The following CRADD variants were observed in gnomAD, a reference collection of about 807,000 sequenced individuals.
The protein encoded by CRADD is death domain-containing protein CRADD.
A neutral mutation model predicts 15.5 loss-of-function variants in CRADD; 9 were observed. The ratio of observed to expected loss-of-function variants is 0.58; its 90% CI spans 0.35 to 1.01. CRADD has a LOEUF of 1.01. Ranked by LOEUF, CRADD falls within the 50% of genes least tolerant of loss-of-function variation. The probability of loss-of-function intolerance (pLI) is 0.02; values close to 1 mark genes in which losing one functional copy is unlikely to be tolerated. For synonymous variants in CRADD, 118 were observed against 107.6 expected (o/e 1.10, Z -0.60); for missense variants, 227 against 250.3 (o/e 0.91, Z 0.63).
intron 2 of CRADD, among the ~76,000 whole-genome samples, chr12:93,829,186 T>C (rs1461355740): frequency 2.0e-5 from 3 of 152,034 alleles, no homozygotes; most frequent in African/African-American, 7.3e-5. Flanking sequence ...AGGCAGTCTT[T>C]TACCCCTGGG....
chr12:93,704,697 C>G (rs1410722596), intron 2 of CRADD, among the ~76,000 whole-genome samples: 1 of 152,248 alleles, frequency 6.6e-6, no homozygotes, highest in Non-Finnish European at 1.5e-5. Flanking sequence ...TTACATTGCA[C>G]TGAGAATCAG....
chr12:93,718,621 C>T (rs987082379), intron 2 of CRADD, among the ~76,000 whole-genome samples: 2 of 152,066 alleles, frequency 1.3e-5, no homozygotes, highest in Non-Finnish European at 2.9e-5. Context: ...TTTGTGTCTT[C>T]CTTCTTAATC....
chr12:93,861,522 C>T (rs1395782787), intron 2 of CRADD, among the ~76,000 whole-genome samples: 1 of 152,210 alleles, frequency 6.6e-6, no homozygotes, highest in Non-Finnish European at 1.5e-5. Flanking sequence ...AGTTGTCTTG[C>T]CCAGTGACAC....
intron 2 of CRADD, among the ~76,000 whole-genome samples, chr12:93,866,992 G>T (rs1341871245): frequency 2.6e-5 from 4 of 152,000 alleles, no homozygotes; most frequent in Non-Finnish European, 4.4e-5. Context: ...GGAAAGAGGG[G>T]TTAATTTTCT....
intron 2 of CRADD, among the ~76,000 whole-genome samples, chr12:93,768,701 G>A (rs12831157): frequency 0.09 from 13,758 of 152,032 alleles, 932 homozygotes; most frequent in Non-Finnish European, 0.13. Flanking sequence ...GCAATATAAC[G>A]TACATGCAGA....
chr12:93,833,144 A>G (rs2137031773), intron 2 of CRADD, among the ~76,000 whole-genome samples: 1 of 152,322 alleles, frequency 6.6e-6, no homozygotes, highest in African/African-American at 2.4e-5. Context: ...TGTTCATTAT[A>G]AGGAATCCAA....
intron 2 of CRADD, among the ~76,000 whole-genome samples, chr12:93,777,600 T>C (rs1354490815): frequency 6.6e-6 from 1 of 152,206 alleles, no homozygotes; most frequent in East Asian, 1.9e-4. Context: ...TTAAGCTCTT[T>C]CTATATAGTG....
chr12:93,696,800 GA>G (rs1315033550), intron 2 of CRADD, among the ~76,000 whole-genome samples: 1 of 151,736 alleles, frequency 6.6e-6, no homozygotes, highest in Non-Finnish European at 1.5e-5. Flanking sequence ...GAATACAAGT[GA>G]AAATATAGTA....
At chr12:93,806,969 G>A (rs546710126) in intron 2 of CRADD, among the ~76,000 whole-genome samples, 12 of 152,246 alleles carry the variant, frequency 7.9e-5, no homozygotes, top group Middle Eastern at 3.4e-3. Context: ...ACCCAGGACT[G>A]GCCAACCCTA....
rs1221986497 is a variant in CRADD, at chr12:93,740,325, T to C, written c.298+61253T>C. 2.0e-5 allele frequency among the ~76,000 whole-genome samples: 3 copies of C among 152,268 alleles called. No individual in the cohort carries two copies. In the East Asian group the frequency reaches 5.8e-4, roughly 29 times the overall value. On this transcript the variant is annotated intron_variant, in intron 2 of 2. Coordinates refer to ENST00000332896, the MANE Select transcript of CRADD (RefSeq NM_003805.5). The stretch of plus-strand genomic sequence containing the variant: ...TTTTTTCTCAACATCTAAATATTTC[T>C]CTTTTTCATTAACATTTCAGTTAAG...
At chr12:93,744,303 T>C (rs1001831435) in intron 2 of CRADD, among the ~76,000 whole-genome samples, 46 of 152,306 alleles carry the variant, frequency 3.0e-4, no homozygotes, top group African/African-American at 1.1e-3. Flanking sequence ...CCAGTTGCCT[T>C]TCTTGGAGAG....
chr12:93,873,139 A>C (rs1446277824), intron 2 of CRADD, among the ~76,000 whole-genome samples: 2 of 151,770 alleles, frequency 1.3e-5, no homozygotes, highest in African/African-American at 4.8e-5. Context: ...TGGCTAAGTT[A>C]ATTTCTGGGT....
At chr12:93,848,662 G>A (rs1034237092) in intron 2 of CRADD, 1 of 152,388 alleles carries the variant, frequency 6.6e-6, no homozygotes, top group Non-Finnish European at 1.5e-5. Context: ...TTCTCGAGAT[G>A]CGCCACGCCC....
chr12:93,681,720 A>C (rs1422888421), intron 2 of CRADD, among the ~76,000 whole-genome samples: 3 of 152,188 alleles, frequency 2.0e-5, no homozygotes, highest in African/African-American at 2.4e-5. Flanking sequence ...ATCTTGTCTC[A>C]TTCCCAACCC....
intron 2 of CRADD, among the ~76,000 whole-genome samples, chr12:93,685,949 C>T (rs372215977): frequency 1.7e-4 from 25 of 151,164 alleles, no homozygotes; most frequent in East Asian, 9.8e-4. Context: ...GCTGAGATCG[C>T]GCCATTGCAC....
At chr12:93,828,659 A>G (rs756383843) in intron 2 of CRADD, among the ~76,000 whole-genome samples, 3 of 152,178 alleles carry the variant, frequency 2.0e-5, no homozygotes, top group Non-Finnish European at 2.9e-5. Context: ...GTGTAAATCT[A>G]TTTCTGAACT....
intron 2 of CRADD, among the ~76,000 whole-genome samples, chr12:93,693,204 G>A: frequency 6.6e-6 from 1 of 152,074 alleles, no homozygotes; most frequent in Non-Finnish European, 1.5e-5. Flanking sequence ...AAGCAACCAG[G>A]AAACAGTTAA....
chr12:93,821,378 C>A (rs1244784502), intron 2 of CRADD, among the ~76,000 whole-genome samples: 1 of 152,190 alleles, frequency 6.6e-6, no homozygotes, highest in Non-Finnish European at 1.5e-5. Context: ...GAAGGTGAGA[C>A]CAGAGAGCTG....
At chr12:93,751,285 A>G (rs1956826338) in intron 2 of CRADD, among the ~76,000 whole-genome samples, 1 of 152,224 alleles carries the variant, frequency 6.6e-6, no homozygotes, top group African/African-American at 2.4e-5. Flanking sequence ...GTTTACCTAC[A>G]GTGAGGGCAG....
Sources: gnomAD v4.1 joint callset for allele counts (sites outside exome capture counted in the v4.1 genomes callset) on GRCh38, gnomAD v4.1.1 for gene constraint, MANE v1.5 for transcripts, NCBI Gene and HGNC (gene_info 2026-07-23, HGNC 2026-07-21) for gene names.